The following BCL3 variants were observed in gnomAD, a reference collection of about 807,000 sequenced individuals.
BCL3 encodes B-cell lymphoma 3 protein.
Under a neutral mutation model 35.7 loss-of-function variants are expected in BCL3, and 15 were observed. The observed-to-expected ratio is 0.42, with a 90% CI of 0.28 to 0.65. The LOEUF is 0.65. BCL3 is among the 30% of genes least tolerant of loss of function. The pLI is 0.22. For missense variants in BCL3, 565 were observed against 641.7 expected, an observed-to-expected ratio of 0.88 and a Z score of 1.29; for synonymous variants, 311 against 284.3, an observed-to-expected ratio of 1.09 and a Z score of -0.95.
At chr19:44,752,009 T>C (rs62117205) in intron 2 of BCL3, among the ~76,000 whole-genome samples, 9,218 of 152,100 alleles carry the variant, frequency 0.061, 322 homozygotes, top group South Asian at 0.15. Context: ...CATGTAAAAC[T>C]ATCACTGGAC....
chr19:44,752,422 G>C (rs62117206), intron 2 of BCL3, among the ~76,000 whole-genome samples: 9,662 of 151,552 alleles, frequency 0.064, 351 homozygotes, highest in South Asian at 0.15. Context: ...GCCCAGACTG[G>C]TCTCAAACTC....
At chr19:44,751,942 G>T (rs1011642733) in intron 2 of BCL3, among the ~76,000 whole-genome samples, 2 of 152,040 alleles carry the variant, frequency 1.3e-5, no homozygotes, top group East Asian at 3.9e-4. Context: ...TAGATATTTT[G>T]TCACAACCTA....
chr19:44,748,898 G>A lies in BCL3; in HGVS notation c.108G>A (p.Pro36=). Residue 36 remains proline, a synonymous_variant, in exon 1 of 9, where the codon CCG becomes CCA. Coordinates refer to ENST00000164227, the MANE Select transcript of BCL3 (RefSeq NM_005178.5). ...PGAALPLRKR[P]LRAPSPEPAA... ...CCGCGCTGCCGCTCCGCAAGCGCCC[G>A]CTGCGCGCGCCCTCCCCGGAGCCCG... 8.8e-7 allele frequency: 1 copy of A among 1,134,780 alleles called. No homozygotes were observed. The highest frequency in any genetic ancestry group is 3.7e-4 in the Middle Eastern group (1 of 2,672). 70.3% of individuals were successfully genotyped at this position (1,134,780 alleles called of 1,614,324 possible). A position where few individuals can be genotyped will look rare whatever the true frequency, so the allele number is the denominator to read the frequency against.
chr19:44,752,792 C>T (rs938810618), intron 2 of BCL3, among the ~76,000 whole-genome samples: 4 of 152,142 alleles, frequency 2.6e-5, no homozygotes, highest in African/African-American at 9.7e-5. Flanking sequence ...CCCTCTGTGC[C>T]TCAGTTTCCC....
Position 44,749,297 on chromosome 19 carries a change from G to C in BCL3, c.256+251G>C, listed in dbSNP as rs905181429. Among the ~76,000 whole-genome samples the C allele has an allele frequency of 3.1e-3, 403 of 129,928 alleles. 4 individuals are homozygous for C. Among genetic ancestry groups the C allele is most frequent in the African/African-American group, 0.011 (374 of 34,726 alleles). 85.2% of individuals were successfully genotyped at this position (129,928 alleles called of 152,430 possible). ...GGCTGAGTGACGTGGGGGGGGGGGG[G>C]CCAGGGACAATGCCCAGTGGTACAA... On this transcript the variant is annotated intron_variant, in intron 1 of 8. Transcript: ENST00000164227.
At position 44,751,641 on chromosome 19, in the gene BCL3, G is replaced by A. The variant is rs558987670; in HGVS notation, c.410+261G>A. ...TTTTGAGACAGGGTCTCACTCTGTC[G>A]CCCAGGCTGGAGTGCAGTGGCACGA... On this transcript the variant is annotated intron_variant, in intron 2 of 8. Coordinates refer to ENST00000164227, the MANE Select transcript of BCL3 (RefSeq NM_005178.5). Among the ~76,000 whole-genome samples the A allele has an allele frequency of 9.2e-5, 14 of 152,132 alleles. No individual in the cohort carries two copies. In the South Asian group the frequency reaches 1.0e-3, roughly 11 times the overall value.
rs1304865300 is a variant in BCL3 at position 44,758,804 on chromosome 19, C to T, written c.1140C>T (p.Asn380=). Reference sequence around the variant, plus strand: ...ACCCCTCCCCTGACCGGAGCGCCAACACCTCCCCCGAGAGCAGCAGCCGCC... The same window carrying T: ...ACCCCTCCCCTGACCGGAGCGCCAATACCTCCCCCGAGAGCAGCAGCCGCC... The part of the protein sequence containing the change: ...QPDPSPDRSA[N]TSPESSSRLS... The change falls in exon 8 of 9, where the codon AAC becomes AAT. Residue 380 remains asparagine (N), a synonymous_variant. Transcript: ENST00000164227. 6.2e-7 allele frequency: 1 copy of T among 1,607,306 alleles called. No individual in the cohort carries two copies. Among genetic ancestry groups the T allele is most frequent in the East Asian group, 2.2e-5 (1 of 44,796 alleles).
chr19:44,749,549 C>A (rs1396692428), intron 1 of BCL3, among the ~76,000 whole-genome samples: 2 of 151,932 alleles, frequency 1.3e-5, no homozygotes, highest in African/African-American at 2.4e-5. Context: ...ATCTCAGGAA[C>A]CAAGATATCT....
intron 3 of BCL3, 35 bp from the exon 4 acceptor site, chr19:44,756,982 C>T: frequency 6.4e-7 from 1 of 1,559,108 alleles, no homozygotes; most frequent in Non-Finnish European, 8.7e-7. Flanking sequence ...GAGAGCAGGG[C>T]TGGACACAGG....
At chr19:44,747,935 T>G, upstream of BCL3, 11 of 723,554 alleles carry the variant, frequency 1.5e-5, no homozygotes, top group Admixed American at 3.8e-5. Flanking sequence ...CTCCCCACCC[T>G]CACCCCACCC....
At chr19:44,758,450 C>T (rs761419662) in intron 7 of BCL3, 37 bp downstream of exon 7, 44 of 1,520,670 alleles carry the variant, frequency 2.9e-5, no homozygotes, top group Non-Finnish European at 3.4e-5. Flanking sequence ...CCCTTGCACA[C>T]GTGTGTCCGC....
At position 44,759,590 on chromosome 19, in the gene BCL3, C is replaced by T. The variant is rs369712125; in HGVS notation, c.1340C>T (p.Pro447Leu). 6.2e-7 allele frequency: 1 copy of T among 1,607,838 alleles called. No individual in the cohort carries two copies. The highest frequency in any genetic ancestry group is 8.5e-7 in the Non-Finnish European group (1 of 1,178,788). Residue 447 changes from proline (P) to leucine (L), a missense_variant, in exon 9 of 9, where the codon CCC becomes CTC. By Grantham distance (98) the Pro-to-Leu change is moderately conservative. Transcript: ENST00000164227. ...CGAGGCCCTGGCCGGCCGGTGCCCC[C>T]CTCCCCAGCTCCAGGAGGCAGCTGA... is the stretch of plus-strand genomic sequence containing the variant. ...VLRGPGRPVPPSPAPGGS is the reference protein window; with the variant it reads ...VLRGPGRPVPLSPAPGGS
chr19:44,750,138 A>T (rs569221144), intron 1 of BCL3, among the ~76,000 whole-genome samples: 2 of 152,314 alleles, frequency 1.3e-5, no homozygotes, highest in African/African-American at 4.8e-5. Flanking sequence ...CATCAGCGTG[A>T]CAGCTGGAGA....
Position 44,748,866 on chromosome 19 carries a change from C to T in BCL3, c.76C>T (p.Pro26Ser), listed in dbSNP as rs1241507559. Reference protein sequence around the residue: ...LRTRPKAAGLPGAALPLRKRP... With the variant: ...LRTRPKAAGLSGAALPLRKRP... ...CACCCGGCCCAAGGCCGCCGGACTC[C>T]CGGGCGCCGCGCTGCCGCTCCGCAA... The change falls in exon 1 of 9, where the codon CCG becomes TCG. Residue 26 changes from proline to serine, a missense_variant. By Grantham distance (74) the Pro-to-Ser change is moderately conservative. Around this residue, in one of 5 missense-constraint regions of BCL3, gnomAD observed 267 missense variants for 281.5 expected, o/e 0.95. Transcript: ENST00000164227. The T allele has an allele frequency of 4.5e-6, 5 of 1,107,398 alleles. No homozygotes were observed. Among genetic ancestry groups the T allele is most frequent in the Non-Finnish European group, 5.5e-6 (5 of 910,890 alleles). 68.6% of individuals were successfully genotyped at this position (1,107,398 alleles called of 1,614,324 possible).
chr19:44,758,410 C>A lies in BCL3; in HGVS notation c.1056C>A (p.Arg352=). The part of the protein sequence containing the change: ...NDTPLMVARS[R]RVIDILRGKA... The stretch of plus-strand genomic sequence containing the variant: ...CGCCGCTCATGGTGGCGCGCAGCCG[C>A]AGGGTGAGCCGGGGCAGCTGTGGAC... The change falls in exon 7 of 9, where the codon CGC becomes CGA. Residue 352 remains arginine, a synonymous_variant. Coordinates refer to ENST00000164227, the MANE Select transcript of BCL3 (RefSeq NM_005178.5). 1 of 1,543,166 alleles carries A rather than the reference C, an allele frequency of 6.5e-7. No individual in the cohort carries two copies. Among genetic ancestry groups the A allele is most frequent in the Non-Finnish European group, 8.7e-7 (1 of 1,145,154 alleles).
At position 44,758,779 on chromosome 19, in the gene BCL3, A is replaced by T; in HGVS notation, c.1115A>T (p.Asp372Val). 3 of 1,607,522 alleles carry T rather than the reference A, an allele frequency of 1.9e-6. No individual in the cohort carries two copies. In the South Asian group the frequency reaches 3.3e-5, roughly 18 times the overall value. Residue 372 changes from aspartate to valine, a missense_variant, in exon 8 of 9, where the codon GAC (aspartate) becomes GTC (valine). Asp to Val is a radical substitution (Grantham distance 152). This residue lies in a region of BCL3 where 151 missense variants were observed against 138.1 expected (regional missense o/e 1.09). Coordinates refer to ENST00000164227, the MANE Select transcript of BCL3 (RefSeq NM_005178.5). Reference sequence around the variant, plus strand: ...CGGCCTGCTTCCACCTCCCAGCCAGACCCCTCCCCTGACCGGAGCGCCAAC... The same window carrying T: ...CGGCCTGCTTCCACCTCCCAGCCAGTCCCCTCCCCTGACCGGAGCGCCAAC... ...ATRPASTSQP[D>V]PSPDRSANTS... is the part of the protein sequence containing the mutation.
intron 3 of BCL3, 147 bp downstream of exon 3, chr19:44,756,487 C>A (rs1967285943): frequency 1.8e-6 from 1 of 544,226 alleles, no homozygotes; most frequent in South Asian, 4.0e-5. Flanking sequence ...GGTGCCTGGA[C>A]TCCTGGGTCT....
At position 44,758,302 on chromosome 19, in the gene BCL3, G is replaced by T. The variant is rs781540511; in HGVS notation, c.948G>T (p.Ala316=). 6.4e-7 allele frequency: 1 copy of T among 1,562,754 alleles called. No individual in the cohort carries two copies. The highest frequency in any genetic ancestry group is 2.3e-5 in the East Asian group (1 of 43,882). Reference sequence around the variant, plus strand: ...CCGGCAGCTCCGCCCTGCACTCAGCGTCCGGCCGCGGGCTCCTCCCGCTGG... The same window carrying T: ...CCGGCAGCTCCGCCCTGCACTCAGCTTCCGGCCGCGGGCTCCTCCCGCTGG... ...MYSGSSALHS[A]SGRGLLPLVR... is the part of the protein sequence containing the mutation. Residue 316 remains alanine, a synonymous_variant, in exon 7 of 9, where the codon GCG becomes GCT. Coordinates refer to ENST00000164227, the MANE Select transcript of BCL3 (RefSeq NM_005178.5).
In BCL3 at chr19:44,759,529, T is replaced by C. The variant is rs1967381404; in HGVS notation, c.1279T>C (p.Ser427Pro). 6.2e-7 allele frequency: 1 copy of C among 1,612,708 alleles called. No homozygotes were observed. The highest frequency in any genetic ancestry group is 1.1e-5 in the South Asian group (1 of 90,970). Residue 427 changes from serine to proline, a missense_variant, in exon 9 of 9, where the codon TCT becomes CCT. This residue lies in a region of BCL3 where 151 missense variants were observed against 138.1 expected (regional missense o/e 1.09). Coordinates refer to ENST00000164227, the MANE Select transcript of BCL3 (RefSeq NM_005178.5). Reference sequence around the variant, plus strand: ...TCCCAATTTCTTCCTTCCTTCCCCATCTCCACCCGCCTTCCTGCCCTTTGC... The same window carrying C: ...TCCCAATTTCTTCCTTCCTTCCCCACCTCCACCCGCCTTCCTGCCCTTTGC... ...APPNFFLPSP[S>P]PPAFLPFAGV...
Sources: gnomAD v4.1 joint callset for allele counts (sites outside exome capture counted in the v4.1 genomes callset) on GRCh38, gnomAD v4.1.1 for gene constraint, gnomAD v4.1.1 regional missense constraint, MANE v1.5 for transcripts, NCBI Gene and HGNC (gene_info 2026-07-23, HGNC 2026-07-21) for gene names.